The following PEF1 variants were observed in gnomAD, a reference collection of about 807,000 sequenced individuals.
PEF1 encodes the protein peflin.
PEF1 carries 17 observed loss-of-function variants against 32.0 expected under a neutral mutation model. That is an observed-to-expected ratio of 0.53 (90% confidence interval 0.36 to 0.80). The LOEUF is 0.80. Ranked by LOEUF, PEF1 falls within the 30% of genes least tolerant of loss-of-function variation. The probability of loss-of-function intolerance (pLI) is 0.00; values close to 1 mark genes in which losing one functional copy is unlikely to be tolerated. For missense variants in PEF1, 362 were observed against 369.1 expected (o/e 0.98, Z 0.16); for synonymous variants, 130 against 139.8 (o/e 0.93, Z 0.50).
chr1:31,638,419 T>C (rs372846099), intron 1 of PEF1, among the ~76,000 whole-genome samples: 1 of 152,018 alleles, frequency 6.6e-6, no homozygotes, highest in Non-Finnish European at 1.5e-5. Flanking sequence ...CAGCATAGGA[T>C]GGAAAGGGAG....
At chr1:31,639,842 G>C (rs912292798) in intron 1 of PEF1, among the ~76,000 whole-genome samples, 1 of 152,190 alleles carries the variant, frequency 6.6e-6, no homozygotes, top group Non-Finnish European at 1.5e-5. Context: ...AACTGAGACA[G>C]AATGCAGGCT....
chr1:31,639,457 C>T (rs1300777140), intron 1 of PEF1, among the ~76,000 whole-genome samples: 1 of 152,252 alleles, frequency 6.6e-6, no homozygotes, highest in African/African-American at 2.4e-5. Flanking sequence ...TGCAAGCCTC[C>T]ACAAATATTT....
Position 31,630,832 on chromosome 1 carries a change from T to G in PEF1, c.636A>C (p.Gln212His). Residue 212 changes from glutamine to histidine, a missense_variant, in exon 5 of 5, where the codon CAA (glutamine) becomes CAC (histidine). By Grantham distance (24) the Gln-to-His change is conservative. Transcript: ENST00000373703. The part of the protein sequence containing the change: ...SYTELQQALS[Q>H]MGYNLSPQFT... ...ACTGGGGGCTCAGGTTGTAGCCCAT[T>G]TGGGACAGAGCTGGAGAAGAGGGGC... 1 of 1,608,752 alleles carries G rather than the reference T, an allele frequency of 6.2e-7. No homozygotes were observed. The highest frequency in any genetic ancestry group is 8.5e-7 in the Non-Finnish European group (1 of 1,179,512).
At chr1:31,631,230 G>A (rs1330576536) in intron 4 of PEF1, among the ~76,000 whole-genome samples, 1 of 152,222 alleles carries the variant, frequency 6.6e-6, no homozygotes, top group Non-Finnish European at 1.5e-5. Flanking sequence ...AGAGGTATGA[G>A]GACCTGCTCT....
intron 1 of PEF1, among the ~76,000 whole-genome samples, chr1:31,640,403 C>G (rs1387864060): frequency 2.6e-5 from 4 of 152,104 alleles, no homozygotes; most frequent in Non-Finnish European, 5.9e-5. Context: ...TTTGTTCACT[C>G]AATAAATGAG....
intron 1 of PEF1, among the ~76,000 whole-genome samples, chr1:31,636,556 T>A (rs941773091): frequency 6.6e-6 from 1 of 152,204 alleles, no homozygotes; most frequent in African/African-American, 2.4e-5. Flanking sequence ...GACTGACTTA[T>A]CCTCTCTAAG....
intron 1 of PEF1, among the ~76,000 whole-genome samples, chr1:31,643,730 T>C (rs1338108718): frequency 6.6e-6 from 1 of 152,250 alleles, no homozygotes; most frequent in Non-Finnish European, 1.5e-5. Flanking sequence ...GGCCTGTGAC[T>C]AAACTCAGTT....
chr1:31,632,811 C>T (rs1640148199), intron 3 of PEF1, among the ~76,000 whole-genome samples, 173 bp from the exon 4 acceptor site: 1 of 152,180 alleles, frequency 6.6e-6, no homozygotes, highest in South Asian at 2.1e-4. Flanking sequence ...AGCGTTGCAC[C>T]GTCCTCCTAC....
At position 31,635,445 on chromosome 1, in the gene PEF1, C is replaced by A; in HGVS notation, c.102G>T (p.Gly34=). 6.2e-7 allele frequency: 1 copy of A among 1,605,190 alleles called. No individual in the cohort carries two copies. The highest frequency in any genetic ancestry group is 8.5e-7 in the Non-Finnish European group (1 of 1,174,778). Residue 34 remains glycine (G), a synonymous_variant, in exon 2 of 5, where the codon GGG becomes GGT. Transcript: ENST00000373703. ...CAGGGGGTAGCCCACTACCATACTGCCCTCCACTATTGGGGGGTCCAGGGT... is the reference window on the plus strand; with the variant it reads ...CAGGGGGTAGCCCACTACCATACTGACCTCCACTATTGGGGGGTCCAGGGT... ...SYYPGPPNSG[G]QYGSGLPPGG...
intron 1 of PEF1, among the ~76,000 whole-genome samples, chr1:31,643,678 C>G (rs537818340): frequency 6.6e-6 from 1 of 152,346 alleles, no homozygotes; most frequent in Admixed American, 6.5e-5. Flanking sequence ...ACTGTGTAAC[C>G]CGCACAAGAC....
intron 1 of PEF1, among the ~76,000 whole-genome samples, chr1:31,637,356 T>A (rs949177075): frequency 2.0e-5 from 3 of 152,156 alleles, no homozygotes; most frequent in Non-Finnish European, 2.9e-5. Context: ...ATAGAACAAT[T>A]CCTTCCTCAC....
intron 1 of PEF1, among the ~76,000 whole-genome samples, chr1:31,636,016 T>G (rs1291550720): frequency 6.6e-6 from 1 of 152,220 alleles, no homozygotes; most frequent in African/African-American, 2.4e-5. Flanking sequence ...AGCTATAGCA[T>G]GGATTCATCC....
rs1475319446 is a variant in PEF1, at chr1:31,635,423, G to T, written c.124C>A (p.Pro42Thr). Residue 42 changes from proline (P) to threonine (T), a missense_variant, in exon 2 of 5, where the codon CCT becomes ACT. Coordinates refer to ENST00000373703, the MANE Select transcript of PEF1 (RefSeq NM_012392.4). ...SGGQYGSGLP[P>T]GGGYGGPAPG... Reference sequence around the variant, plus strand: ...GCAGGACCCCCATAACCACCACCAGGGGGTAGCCCACTACCATACTGCCCT... The same window carrying T: ...GCAGGACCCCCATAACCACCACCAGTGGGTAGCCCACTACCATACTGCCCT... The T allele has an allele frequency of 1.2e-6, 2 of 1,612,268 alleles. No homozygotes were observed. Among genetic ancestry groups the T allele is most frequent in the Admixed American group, 3.3e-5 (2 of 59,842 alleles).
intron 1 of PEF1, among the ~76,000 whole-genome samples, chr1:31,642,399 C>T (rs1432112545): frequency 6.6e-6 from 1 of 152,100 alleles, no homozygotes; most frequent in Non-Finnish European, 1.5e-5. Flanking sequence ...AGCTCGTTCC[C>T]CCATAGGACC....
chr1:31,635,940 C>T (rs1306526930), intron 1 of PEF1, among the ~76,000 whole-genome samples: 2 of 152,198 alleles, frequency 1.3e-5, no homozygotes, highest in African/African-American at 4.8e-5. Context: ...TCTCTATCTG[C>T]AGAACTCATG....
At chr1:31,633,942 C>T (rs1208404154) in intron 2 of PEF1, among the ~76,000 whole-genome samples, 10 of 147,394 alleles carry the variant, frequency 6.8e-5, no homozygotes, top group Non-Finnish European at 1.5e-4. Context: ...GCAACAAAAG[C>T]GAAACTCCAT....
At chr1:31,636,207 C>T (rs922971654) in intron 1 of PEF1, among the ~76,000 whole-genome samples, 2 of 152,126 alleles carry the variant, frequency 1.3e-5, no homozygotes, top group Non-Finnish European at 2.9e-5. Flanking sequence ...AAGTCTGAGG[C>T]GGGCAGACTG....
rs1640070680 is a variant in PEF1, at chr1:31,630,661, C to T, written c.807G>A (p.Arg269=). 1.2e-6 allele frequency: 2 copies of T among 1,613,100 alleles called. No individual in the cohort carries two copies. The highest frequency in any genetic ancestry group is 2.7e-5 in the African/African-American group (2 of 74,910). Residue 269 remains arginine (R), a synonymous_variant, in exon 5 of 5, where the codon CGG becomes CGA. Transcript: ENST00000373703. ...EKDTAVQGNI[R]LSFEDFVTMT... is the part of the protein sequence containing the mutation. Reference sequence around the variant, plus strand: ...TGGTGACGAAGTCCTCGAAGCTGAGCCGAATGTTGCCTTGTACAGCTGTGT... The same window carrying T: ...TGGTGACGAAGTCCTCGAAGCTGAGTCGAATGTTGCCTTGTACAGCTGTGT...
In PEF1 at chr1:31,633,216, C is replaced by A. The variant is rs1245303517; in HGVS notation, c.424G>T (p.Ala142Ser). Reference protein sequence around the residue: ...GYISMKELKQALVNCNWSSFN... With the variant: ...GYISMKELKQSLVNCNWSSFN... ...GAAGACCAATTGCAGTTGACCAGGG[C>A]CTGCTTTAGCTCCTTCATGGAGATA... Residue 142 changes from alanine (A) to serine (S), a missense_variant, in exon 3 of 5, where the codon GCC becomes TCC. Transcript: ENST00000373703. The A allele has an allele frequency of 6.2e-7, 1 of 1,613,954 alleles. No homozygotes were observed. Among genetic ancestry groups the A allele is most frequent in the Non-Finnish European group, 8.5e-7 (1 of 1,180,010 alleles).
Sources: gnomAD v4.1 joint callset for allele counts (sites outside exome capture counted in the v4.1 genomes callset) on GRCh38, gnomAD v4.1.1 for gene constraint, MANE v1.5 for transcripts, NCBI Gene and HGNC (gene_info 2026-07-23, HGNC 2026-07-21) for gene names.